GLOD4: variants seen among roughly 807,000 people sequenced by gnomAD.
The protein encoded by GLOD4 is glyoxalase domain-containing protein 4.
In GLOD4, 44 loss-of-function variants were observed where a neutral mutation model predicts 39.1. That is an observed-to-expected ratio of 1.13 (90% confidence interval 0.88 to 1.45). The LOEUF is 1.45. Ranked by LOEUF, GLOD4 falls within the 40% of genes most tolerant of loss-of-function variation. The pLI is 0.00. For synonymous variants in GLOD4, 145 were observed against 135.0 expected, an observed-to-expected ratio of 1.07 and a Z score of -0.52; for missense variants, 405 against 366.4, an observed-to-expected ratio of 1.11 and a Z score of -0.86.
chr17:762,224 G>A (rs1010489250), intron 8 of GLOD4, among the ~76,000 whole-genome samples: 1 of 152,208 alleles, frequency 6.6e-6, no homozygotes, highest in African/African-American at 2.4e-5. Flanking sequence ...ATGGTCAAAA[G>A]TGACTGTCTG....
chr17:762,409 A>AT (rs1224396708), intron 8 of GLOD4, among the ~76,000 whole-genome samples: 2 of 152,240 alleles, frequency 1.3e-5, no homozygotes, highest in African/African-American at 4.8e-5. Context: ...AAAGGCTTCC[A>AT]TCCAGGCCCC....
intron 8 of GLOD4, chr17:763,538 A>G (rs1905908965): frequency 6.6e-6 from 1 of 152,172 alleles, no homozygotes; most frequent in African/African-American, 2.4e-5. Flanking sequence ...AAATAAATAA[A>G]TAAAAATAAA....
rs544845018 is a variant in GLOD4, at chr17:770,286, G to C, written c.631-129C>G. 2.9e-4 allele frequency: 219 copies of C among 760,278 alleles called. 3 individuals are homozygous for C. The South Asian group carries it at 3.0e-3, about 11-fold the overall frequency. 47.1% of individuals were successfully genotyped at this position (760,278 alleles called of 1,614,324 possible). Reference sequence around the variant, plus strand: ...CCATTTGTTTGAATTTATTATCTCAGCTGCTCTTGAAACAACTGCTGAACT... The same window carrying C: ...CCATTTGTTTGAATTTATTATCTCACCTGCTCTTGAAACAACTGCTGAACT... On this transcript the variant is annotated intron_variant, in intron 6 of 8. Transcript: ENST00000301329.
chr17:778,463 G>T, intron 2 of GLOD4: 1 of 592,956 alleles, frequency 1.7e-6, no homozygotes, highest in Non-Finnish European at 3.0e-6. Flanking sequence ...ATGTGTTCCC[G>T]ACGCTCCTGA....
chr17:785,875 A>C (rs935516558), upstream of GLOD4, among the ~76,000 whole-genome samples: 2 of 152,244 alleles, frequency 1.3e-5, no homozygotes, highest in Non-Finnish European at 2.9e-5. Context: ...TTAAAAGCCT[A>C]CCTGGTAGGA....
At chr17:782,330 C>T (rs777734023), upstream of GLOD4, 3 of 1,611,948 alleles carry the variant, frequency 1.9e-6, no homozygotes, top group Non-Finnish European at 2.5e-6. Flanking sequence ...CGTGACGTCA[C>T]TAGCCGCCGA....
chr17:761,233 G>C (rs141364718), intron 8 of GLOD4, among the ~76,000 whole-genome samples: 2 of 152,298 alleles, frequency 1.3e-5, no homozygotes, highest in African/African-American at 4.8e-5. Flanking sequence ...ACAAGATGAG[G>C]TGGCAATTGA....
At chr17:785,259 G>A (rs1198825414), upstream of GLOD4, among the ~76,000 whole-genome samples, 1 of 152,058 alleles carries the variant, frequency 6.6e-6, no homozygotes, top group Non-Finnish European at 1.5e-5. Context: ...ACACCCATGT[G>A]AATAACTTCA....
In GLOD4 at chr17:769,638, A is replaced by G. The variant is rs146966700; in HGVS notation, c.831+231T>C. Among the ~76,000 whole-genome samples, 559 of 152,306 alleles carry G rather than the reference A, an allele frequency of 3.7e-3. 2 individuals carry two copies. The highest frequency in any genetic ancestry group is 6.0e-3 in the Non-Finnish European group (410 of 68,006). ...GCAGAATAAGCACAGATCCACCAGC[A>G]GTGGTTCCAGGGCAGCCTGAGGTTG... On this transcript the variant is annotated intron_variant, in intron 8 of 8. Coordinates refer to ENST00000301329, the MANE Select transcript of GLOD4 (RefSeq NM_016080.4).
rs1343204910 is a variant in GLOD4 at position 759,578 on chromosome 17, C to T, written c.*595G>A. 1 of 152,050 alleles carries T rather than the reference C, an allele frequency of 6.6e-6. No homozygotes were observed. The highest frequency in any genetic ancestry group is 1.5e-5 in the Non-Finnish European group (1 of 68,032). The allele number at this position is 152,050 out of a possible 1,614,324, so 9.4% of individuals were successfully genotyped here. A position where few individuals can be genotyped will look rare whatever the true frequency, so the allele number is the denominator to read the frequency against. Reference sequence around the variant, plus strand: ...AGAAAGAAGCTCGCACAGAGTCAGGCGTGCAGCAACGTCACACACTCATTC... The same window carrying T: ...AGAAAGAAGCTCGCACAGAGTCAGGTGTGCAGCAACGTCACACACTCATTC... On this transcript the variant is annotated 3_prime_UTR_variant, in exon 9 of 9. Transcript: ENST00000301329.
intron 8 of GLOD4, among the ~76,000 whole-genome samples, chr17:761,032 T>C (rs934856557): frequency 2.6e-5 from 4 of 152,232 alleles, no homozygotes; most frequent in African/African-American, 9.6e-5. Context: ...CAAACACTCA[T>C]TTATGTAGTC....
At position 775,780 on chromosome 17, in the gene GLOD4, T is replaced by A; in HGVS notation, c.401A>T (p.Gln134Leu). Reference protein sequence around the residue: ...KFYLQNRSLPQSDPVLKVTLA... With the variant: ...KFYLQNRSLPLSDPVLKVTLA... ...ACTGGTTCTGGTATAATTACCTGAC[T>A]GAGGCAGACTGCGATTCTGCAAATA... The change falls in exon 4 of 9, where the codon CAG becomes CTG. Residue 134 changes from glutamine (Q) to leucine (L), a missense_variant. Transcript: ENST00000301329. 1 of 1,613,714 alleles carries A rather than the reference T, an allele frequency of 6.2e-7. No individual in the cohort carries two copies. The highest frequency in any genetic ancestry group is 1.1e-5 in the South Asian group (1 of 91,070).
In GLOD4 at chr17:759,988, T is replaced by C. The variant is rs1358988023; in HGVS notation, c.*185A>G. 1.7e-5 allele frequency: 10 copies of C among 593,748 alleles called. No homozygotes were observed. Among genetic ancestry groups the C allele is most frequent in the Non-Finnish European group, 2.7e-5 (9 of 332,864 alleles). 36.8% of individuals were successfully genotyped at this position (593,748 alleles called of 1,614,324 possible). Reference sequence around the variant, plus strand: ...AGCAGGCGTTCTCTACCTGGACTCATGATTGGATTTCATTTCTAAATTACA... The same window carrying C: ...AGCAGGCGTTCTCTACCTGGACTCACGATTGGATTTCATTTCTAAATTACA... On this transcript the variant is annotated 3_prime_UTR_variant, in exon 9 of 9. Transcript: ENST00000301329.
At chr17:778,476 T>A in intron 2 of GLOD4, 1 of 597,822 alleles carries the variant, frequency 1.7e-6, no homozygotes, top group Non-Finnish European at 3.0e-6. Flanking sequence ...GCTCCTGAAG[T>A]TGCCTCCCTA....
At chr17:782,980 G>A (rs1910238279), upstream of GLOD4, 2 of 1,480,236 alleles carry the variant, frequency 1.4e-6, no homozygotes, top group Admixed American at 2.2e-5. Context: ...GAGCCACCGC[G>A]CCCGGCCCTC....
rs749550027 is a variant in GLOD4 at position 770,507 on chromosome 17, A to G, written c.544T>C (p.Cys182Arg). The G allele has an allele frequency of 1.2e-5, 18 of 1,490,992 alleles. No individual in the cohort carries two copies. In the East Asian group the frequency reaches 3.6e-4, roughly 30 times the overall value. 92.4% of individuals were successfully genotyped at this position (1,490,992 alleles called of 1,614,324 possible). A position where few individuals can be genotyped will look rare whatever the true frequency, so the allele number is the denominator to read the frequency against. Residue 182 changes from cysteine (C) to arginine (R), a missense_variant and splice_region_variant, in exon 6 of 9, where the codon TGT (cysteine) becomes CGT (arginine). Coordinates refer to ENST00000301329, the MANE Select transcript of GLOD4 (RefSeq NM_016080.4). Reference protein sequence around the residue: ...RALLGYADNQCKLELQGVKGG... With the variant: ...RALLGYADNQRKLELQGVKGG... ...TTGACGCCCTGTAGCTCCAGCTTAC[A>G]CTGAAATAGGAAAGGGGGTTATTTT...
Position 775,892 on chromosome 17 carries a change from C to A in GLOD4, c.289G>T (p.Val97Phe). 6.2e-7 allele frequency: 1 copy of A among 1,613,556 alleles called. No individual in the cohort carries two copies. Among genetic ancestry groups the A allele is most frequent in the Non-Finnish European group, 8.5e-7 (1 of 1,179,438 alleles). Reference sequence around the variant, plus strand: ...CACTCCAGCTTCCTGGCGTTGCTGACAGCCTGGCTAGAAGCGAGCGTGATT... The same window carrying A: ...CACTCCAGCTTCCTGGCGTTGCTGAAAGCCTGGCTAGAAGCGAGCGTGATT... ...MGITLASSQA[V>F]SNARKLEWPL... Residue 97 changes from valine to phenylalanine, a missense_variant, in exon 4 of 9, where the codon GTC (valine) becomes TTC (phenylalanine). Val to Phe is a conservative substitution (Grantham distance 50, BLOSUM62 -1). Coordinates refer to ENST00000301329, the MANE Select transcript of GLOD4 (RefSeq NM_016080.4).
At chr17:763,201 C>G (rs1194529096) in intron 8 of GLOD4, among the ~76,000 whole-genome samples, 2 of 123,452 alleles carry the variant, frequency 1.6e-5, no homozygotes, top group African/African-American at 5.7e-5. Context: ...AAAAAAAAAT[C>G]AGAGAATGTA....
At position 782,240 on chromosome 17, in the gene GLOD4, C is replaced by T. The variant is rs377602510; in HGVS notation, c.16G>A (p.Ala6Thr). Reference sequence around the variant, plus strand: ...CCCACTTTGAATACGAAGTGCAGAGCTCTGCGAGCAGCCATGATTCCCGCC... The same window carrying T: ...CCCACTTTGAATACGAAGTGCAGAGTTCTGCGAGCAGCCATGATTCCCGCC... MAARR[A>T]LHFVFKVGNR... Residue 6 changes from alanine (A) to threonine (T), a missense_variant, in exon 1 of 9, where the codon GCT becomes ACT. Transcript: ENST00000301329. The T allele has an allele frequency of 7.4e-6, 12 of 1,613,440 alleles. 1 individual carries two copies. Among genetic ancestry groups the T allele is most frequent in the South Asian group, 3.3e-5 (3 of 91,048 alleles).
Sources: allele counts gnomAD v4.1 joint callset (sites outside exome capture counted in the v4.1 genomes callset), GRCh38; gene constraint gnomAD v4.1.1; transcripts MANE v1.5; gene names NCBI Gene and HGNC (gene_info 2026-07-23, HGNC 2026-07-21).